COL3A1: variants seen among roughly 807,000 people sequenced by gnomAD.
COL3A1 encodes collagen type III alpha 1 chain.
A neutral mutation model predicts 200.9 loss-of-function variants in COL3A1; 46 were observed. The observed-to-expected ratio is 0.23, with a 90% confidence interval of 0.18 to 0.29. The LOEUF is 0.29. Ranked by LOEUF, COL3A1 falls within the 10% of genes least tolerant of loss-of-function variation. The pLI, the probability that COL3A1 is intolerant of heterozygous loss-of-function variation, is 1.00. For synonymous variants in COL3A1, 650 were observed against 628.0 expected, an observed-to-expected ratio of 1.03 and a Z score of -0.52; for missense variants, 1,367 against 1,917.6, an observed-to-expected ratio of 0.71 and a Z score of 5.36.
intron 47 of COL3A1, 48 bp downstream of exon 47, chr2:189,008,190 C>T: frequency 6.7e-7 from 1 of 1,493,380 alleles, no homozygotes; most frequent in Non-Finnish European, 9.2e-7. Context: ...TACAATCTTC[C>T]AATTTTCAGA....
intron 1 of COL3A1, among the ~76,000 whole-genome samples, chr2:188,979,365 AT>A (rs753096021): frequency 2.6e-5 from 4 of 151,974 alleles, no homozygotes; most frequent in Non-Finnish European, 5.9e-5. Context: ...AACATGAATC[AT>A]TTAGTAACTA....
At chr2:188,984,701 C>T (rs747279389) in intron 1 of COL3A1, 59 bp from the exon 2 acceptor site, 33 of 1,515,672 alleles carry the variant, frequency 2.2e-5, no homozygotes, top group Admixed American at 3.4e-5. Flanking sequence ...AACAGAGTAA[C>T]AAAAATCACC....
intron 1 of COL3A1, among the ~76,000 whole-genome samples, chr2:188,979,692 C>T (rs1687909353): frequency 6.6e-6 from 1 of 151,676 alleles, no homozygotes; most frequent in South Asian, 2.1e-4. Context: ...CAAAATATAC[C>T]TATCTAGATT....
chr2:189,007,481 T>G lies in COL3A1; in HGVS notation c.3256-19T>G. 1.3e-6 allele frequency: 2 copies of G among 1,597,284 alleles called. No individual in the cohort carries two copies. On this transcript the variant is annotated intron_variant, in intron 44 of 50. Transcript: ENST00000304636. Reference sequence around the variant, plus strand: ...ATGTATGTGTGTATATGACTTCAATTCAAAATATGTTTCTAAAGGGTCCTC... The same window carrying G: ...ATGTATGTGTGTATATGACTTCAATGCAAAATATGTTTCTAAAGGGTCCTC...
At chr2:189,003,143 C>A in intron 36 of COL3A1, 81 bp downstream of exon 36, 1 of 1,141,950 alleles carries the variant, frequency 8.8e-7, no homozygotes, top group Non-Finnish European at 1.3e-6. Flanking sequence ...CCCTCTCTCT[C>A]TCCCTCTCCC....
chr2:189,001,207 G>A (rs1033923686), intron 32 of COL3A1, among the ~76,000 whole-genome samples, 190 bp from the exon 33 acceptor site: 1 of 152,100 alleles, frequency 6.6e-6, no homozygotes, highest in Admixed American at 6.5e-5. Context: ...TATCCCCAAA[G>A]AGGCTTGTGT....
At chr2:188,992,259 A>C (rs1456485202) in intron 14 of COL3A1, 31 bp downstream of exon 14, 1 of 1,604,096 alleles carries the variant, frequency 6.2e-7, no homozygotes, top group South Asian at 1.1e-5. Context: ...TATGTGTTGT[A>C]GGGTAATGAG....
rs960079240 is a variant in COL3A1, at chr2:188,994,849, C to A, written c.1455+18C>A. 4.3e-6 allele frequency: 7 copies of A among 1,610,416 alleles called. No homozygotes were observed. The African/African-American group carries it at 8.0e-5, about 18-fold the overall frequency. On this transcript the variant is annotated intron_variant, in intron 20 of 50. Coordinates refer to ENST00000304636, the MANE Select transcript of COL3A1 (RefSeq NM_000090.4). This position sits in a 1 kb window ranked among gnomAD's most constrained non-coding sequence, Gnocchi z 4.5. The stretch of plus-strand genomic sequence containing the variant: ...GAGAAAGGGTACGTTTTCCATGGGG[C>A]ATCTAAAAGAAAAGCAGCATCACTG...
chr2:189,010,172 A>C lies in COL3A1; in HGVS notation c.3824-6A>C, dbSNP rs751180610. Reference sequence around the variant, plus strand: ...CCAATTCCCATTCTTTTTTGTGACTATTCAGGAGAATACTGGGTTGACCCT... The same window carrying C: ...CCAATTCCCATTCTTTTTTGTGACTCTTCAGGAGAATACTGGGTTGACCCT... On this transcript the variant is annotated splice_polypyrimidine_tract_variant and splice_region_variant and intron_variant, in intron 48 of 50. Coordinates refer to ENST00000304636, the MANE Select transcript of COL3A1 (RefSeq NM_000090.4). The C allele has an allele frequency of 6.2e-7, 1 of 1,613,904 alleles. No individual in the cohort carries two copies. Among genetic ancestry groups the C allele is most frequent in the Non-Finnish European group, 8.5e-7 (1 of 1,179,820 alleles).
intron 4 of COL3A1, 86 bp downstream of exon 4, chr2:188,985,864 T>C: frequency 1.1e-6 from 1 of 887,200 alleles, no homozygotes; most frequent in South Asian, 1.4e-5. Flanking sequence ...GTCTCACTAT[T>C]ATGAGTTCTT....
intron 2 of COL3A1, 59 bp downstream of exon 2, chr2:188,985,021 C>G: frequency 6.6e-7 from 1 of 1,517,438 alleles, no homozygotes; most frequent in Non-Finnish European, 9.1e-7. Context: ...ATGAATAGCT[C>G]CTATATCATA....
In COL3A1 at chr2:188,995,688, T is replaced by C. The variant is rs529479786; in HGVS notation, c.1510-4T>C. 6.4e-7 allele frequency: 1 copy of C among 1,551,030 alleles called. No homozygotes were observed. ...ATTTTTTTAAAATTTCTTTCACTACTTAGGGTCCTGCTGGAGAGCGTGGTG... is the reference window on the plus strand; with the variant it reads ...ATTTTTTTAAAATTTCTTTCACTACCTAGGGTCCTGCTGGAGAGCGTGGTG... On this transcript the variant is annotated splice_region_variant and splice_polypyrimidine_tract_variant and intron_variant, in intron 21 of 50. Coordinates refer to ENST00000304636, the MANE Select transcript of COL3A1 (RefSeq NM_000090.4).
intron 5 of COL3A1, 42 bp downstream of exon 5, chr2:188,987,181 T>C: frequency 1.3e-6 from 2 of 1,522,438 alleles, no homozygotes; most frequent in Non-Finnish European, 1.8e-6. Flanking sequence ...CTTTATTATC[T>C]TTCTGGTTTG....
chr2:189,005,510 A>G (rs893896076), intron 41 of COL3A1, 53 bp downstream of exon 41: 17 of 1,477,592 alleles, frequency 1.2e-5, no homozygotes, highest in Non-Finnish European at 1.6e-5. Context: ...AATTTATTTC[A>G]GCAAAGGTGA....
chr2:189,010,455 T>A, intron 49 of COL3A1, 90 bp downstream of exon 49: 1 of 1,543,044 alleles, frequency 6.5e-7, no homozygotes. Context: ...AGTTACTAGG[T>A]TGGTACAAAC....
chr2:188,985,818 C>T (rs781109397), intron 4 of COL3A1, 40 bp downstream of exon 4: 3 of 1,315,124 alleles, frequency 2.3e-6, no homozygotes, highest in Non-Finnish European at 2.2e-6. Flanking sequence ...CCTCATAAAA[C>T]TATCTAGTTC....
chr2:188,981,294 A>G (rs1015159321), intron 1 of COL3A1, among the ~76,000 whole-genome samples: 35 of 151,660 alleles, frequency 2.3e-4, no homozygotes, highest in African/African-American at 8.2e-4. Context: ...GTTAGCTTCA[A>G]TATGTTTTAT....
rs913385239 is a variant in COL3A1, at chr2:188,994,979, C to T, written c.1456-67C>T. ...CATTCTATGACATAAAAATATTTGC[C>T]ACTCAAGAATTATGAAAAAGAATTG... On this transcript the variant is annotated intron_variant, in intron 20 of 50. Transcript: ENST00000304636. The surrounding 1 kb of genome is among the most constrained non-coding windows in gnomAD (Gnocchi z 4.5). 2.5e-6 allele frequency: 4 copies of T among 1,568,700 alleles called. No individual in the cohort carries two copies. The African/African-American group carries it at 5.4e-5, about 21-fold the overall frequency.
At chr2:188,989,547 T>C (rs1362980523) in intron 8 of COL3A1, 98 bp downstream of exon 8, 1 of 911,128 alleles carries the variant, frequency 1.1e-6, no homozygotes, top group Non-Finnish European at 1.7e-6. Flanking sequence ...GAAAAAAAAA[T>C]GTTATTCAAA....
Sources: gnomAD v4.1 joint callset for allele counts (sites outside exome capture counted in the v4.1 genomes callset) on GRCh38, gnomAD v4.1.1 for gene constraint, Gnocchi (gnomAD v3.1) non-coding constraint, MANE v1.5 for transcripts, NCBI Gene and HGNC (gene_info 2026-07-23, HGNC 2026-07-21) for gene names.